NOS2: variants seen among roughly 807,000 people sequenced by gnomAD.
NOS2 encodes the protein nitric oxide synthase, inducible.
NOS2 carries 96 observed loss-of-function variants against 136.0 expected under a neutral mutation model. The observed-to-expected ratio is 0.71, with a 90% CI of 0.60 to 0.84. The LOEUF (loss-of-function observed/expected upper bound fraction) is 0.84, where lower values mean the gene tolerates loss of function less well. Ranked by LOEUF, NOS2 falls within the 40% of genes least tolerant of loss-of-function variation. NOS2 has a pLI of 0.00. For missense variants in NOS2, 1,237 were observed against 1,496.9 expected (o/e 0.83, Z 2.87); for synonymous variants, 539 against 587.5 (o/e 0.92, Z 1.20).
At position 27,760,019 on chromosome 17, in the gene NOS2, G is replaced by A; in HGVS notation, c.3159+11C>T. On this transcript the variant is annotated intron_variant, in intron 25 of 26. Transcript: ENST00000313735. Reference sequence around the variant, plus strand: ...TGTGTAATGCTTCACCTGCTTTGAGGCTGCATTTACCTTGGGCTTGCCAGG... The same window carrying A: ...TGTGTAATGCTTCACCTGCTTTGAGACTGCATTTACCTTGGGCTTGCCAGG... 1 of 1,509,564 alleles carries A rather than the reference G, an allele frequency of 6.6e-7. No homozygotes were observed. The highest frequency in any genetic ancestry group is 1.3e-5 in the South Asian group (1 of 75,580). The allele number at this position is 1,509,564 out of a possible 1,614,324, so 93.5% of individuals were successfully genotyped here. A position where few individuals can be genotyped will look rare whatever the true frequency, so the allele number is the denominator to read the frequency against.
intron 9 of NOS2, 64 bp downstream of exon 9, chr17:27,780,703 C>T (rs1908815034): frequency 1.9e-6 from 3 of 1,611,280 alleles, no homozygotes; most frequent in Non-Finnish European, 1.7e-6. Context: ...TGGAGCCGCA[C>T]TTAGGAAAGG....
chr17:27,760,279 T>G, intron 24 of NOS2, 101 bp from the exon 25 acceptor site: 1 of 1,229,134 alleles, frequency 8.1e-7, no homozygotes, highest in Non-Finnish European at 1.1e-6. Flanking sequence ...AGCTATTTAA[T>G]AGCATTATCC....
intron 11 of NOS2, among the ~76,000 whole-genome samples, chr17:27,776,789 G>A (rs1445438763): frequency 1.3e-5 from 2 of 151,936 alleles, no homozygotes; most frequent in Non-Finnish European, 1.5e-5. Flanking sequence ...AGGCAGTGCA[G>A]CTAAACATTT....
intron 6 of NOS2, 71 bp from the exon 7 acceptor site, chr17:27,782,177 C>A: frequency 7.4e-7 from 1 of 1,352,508 alleles, no homozygotes; most frequent in South Asian, 1.2e-5. Flanking sequence ...GATCAGAAGT[C>A]ACTGGGAATC....
At position 27,778,994 on chromosome 17, in the gene NOS2, A is replaced by G; in HGVS notation, c.1067T>C (p.Leu356Pro). The G allele has an allele frequency of 1.9e-6, 3 of 1,612,232 alleles. No homozygotes were observed. The highest frequency in any genetic ancestry group is 1.7e-6 in the Non-Finnish European group (2 of 1,178,702). The stretch of plus-strand genomic sequence containing the variant: ...GAACTCCAGGCCGCCCACCTCAAGC[A>G]GCATGTTGGCCACTGCAGGCAGGGC... ...WYALPAVANM[L>P]LEVGGLEFPG... The change falls in exon 10 of 27, where the codon CTG (leucine) becomes CCG (proline). Residue 356 changes from leucine (L) to proline (P), a missense_variant. Leu to Pro is a moderately conservative substitution (Grantham distance 98, BLOSUM62 -3). Around this residue, in one of 3 missense-constraint regions of NOS2, gnomAD observed 440 missense variants for 545.4 expected, o/e 0.81. Coordinates refer to ENST00000313735, the MANE Select transcript of NOS2 (RefSeq NM_000625.4).
intron 22 of NOS2, among the ~76,000 whole-genome samples, chr17:27,762,168 C>T (rs1436503365): frequency 6.6e-6 from 1 of 151,994 alleles, no homozygotes; most frequent in South Asian, 2.1e-4. Flanking sequence ...CCTCAGTGAC[C>T]CTGACCTTTC....
Position 27,774,280 on chromosome 17 carries a change from G to A in NOS2, c.1453C>T (p.Leu485=), listed in dbSNP as rs763906875. The change falls in exon 12 of 27, where the codon CTG becomes TTG. Residue 485 remains leucine (L), a synonymous_variant. Transcript: ENST00000313735. ...VFHQEMLNYV[L]SPFYYYQVEA... ...ACCTGATAGTAGTAGAAAGGGGACA[G>A]GACGTAGTTCAGCATCTCCTGGTGA... 1.0e-5 allele frequency: 16 copies of A among 1,530,856 alleles called. No homozygotes were observed. In the South Asian group the frequency reaches 2.0e-4, roughly 19 times the overall value. The allele number at this position is 1,530,856 out of a possible 1,614,324, so 94.8% of individuals were successfully genotyped here. A position where few individuals can be genotyped will look rare whatever the true frequency, so the allele number is the denominator to read the frequency against.
At chr17:27,767,002 A>G (rs1360104661) in intron 18 of NOS2, among the ~76,000 whole-genome samples, 3 of 147,734 alleles carry the variant, frequency 2.0e-5, no homozygotes, top group East Asian at 2.0e-4. Flanking sequence ...CTCCGTCTCA[A>G]AAAAAAAAAA....
intron 12 of NOS2, among the ~76,000 whole-genome samples, chr17:27,773,634 G>A (rs750820409): frequency 6.6e-6 from 1 of 152,164 alleles, no homozygotes; most frequent in Non-Finnish European, 1.5e-5. Flanking sequence ...TCCAGGACAT[G>A]CCGTCACCCT....
intron 12 of NOS2, among the ~76,000 whole-genome samples, 173 bp from the exon 13 acceptor site, chr17:27,773,416 C>A (rs926959507): frequency 6.6e-6 from 1 of 152,244 alleles, no homozygotes; most frequent in Non-Finnish European, 1.5e-5. Context: ...GGCTGCCTCT[C>A]CCCCAGAGTT....
At position 27,798,853 on chromosome 17, in the gene NOS2, A is replaced by T; in HGVS notation, c.-44T>A. ...CAGGTCACTTATGTCACTTATCTGG[A>T]TTTGAGCTCAGATGTTCTTCACTGT... On this transcript the variant is annotated 5_prime_UTR_variant, in exon 2 of 27. Coordinates refer to ENST00000313735, the MANE Select transcript of NOS2 (RefSeq NM_000625.4). 1 of 1,210,910 alleles carries T rather than the reference A, an allele frequency of 8.3e-7. No individual in the cohort carries two copies. The highest frequency in any genetic ancestry group is 1.2e-6 in the Non-Finnish European group (1 of 812,598). 75.0% of individuals were successfully genotyped at this position (1,210,910 alleles called of 1,614,324 possible). A position where few individuals can be genotyped will look rare whatever the true frequency, so the allele number is the denominator to read the frequency against.
rs1943173906 is a variant in NOS2, at chr17:27,772,529, G to T, written c.1560-77C>A. On this transcript the variant is annotated intron_variant, in intron 13 of 26. Transcript: ENST00000313735. ...AAGAAAATGGGGGACCAGGGGAATG[G>T]GAGGGGACAGCGTTTAATGTGGGGC... is the stretch of plus-strand genomic sequence containing the variant. 5 of 1,548,692 alleles carry T rather than the reference G, an allele frequency of 3.2e-6. No homozygotes were observed. In the South Asian group the frequency reaches 5.7e-5, roughly 18 times the overall value.
Position 27,760,701 on chromosome 17 carries a change from T to C in NOS2, c.2932A>G (p.Ile978Val), listed in dbSNP as rs534090248. The C allele has an allele frequency of 6.4e-6, 10 of 1,550,704 alleles. No homozygotes were observed. In the East Asian group the frequency reaches 2.0e-4, roughly 30 times the overall value. ...ATGCCTGTGCCAGGCCCGATGAGGA[T>C]GCAAGGATGGGAGGGATCCTCGGGG... is the stretch of plus-strand genomic sequence containing the variant. ...HLPEDPSHPCILIGPGTGIAP... is the reference protein window; with the variant it reads ...HLPEDPSHPCVLIGPGTGIAP... The change falls in exon 24 of 27, where the codon ATC (isoleucine) becomes GTC (valine). Residue 978 changes from isoleucine to valine, a missense_variant. Ile to Val is a conservative substitution (Grantham distance 29, BLOSUM62 3). Transcript: ENST00000313735.
At chr17:27,798,433 C>T (rs1451773857) in intron 2 of NOS2, among the ~76,000 whole-genome samples, 3 of 151,984 alleles carry the variant, frequency 2.0e-5, no homozygotes, top group Non-Finnish European at 2.9e-5. Flanking sequence ...GGCCAAGCTC[C>T]TTCCCATATT....
At chr17:27,774,906 C>G (rs1007438864) in intron 11 of NOS2, among the ~76,000 whole-genome samples, 1 of 152,230 alleles carries the variant, frequency 6.6e-6, no homozygotes, top group South Asian at 2.1e-4. Context: ...AGCCAGACCC[C>G]TCCGTGGGGA....
chr17:27,777,916 C>G (rs1369532062), intron 11 of NOS2, among the ~76,000 whole-genome samples: 2 of 151,936 alleles, frequency 1.3e-5, no homozygotes, highest in Non-Finnish European at 2.9e-5. Context: ...GTGGTATGCA[C>G]CTGTAGTCCC....
intron 14 of NOS2, among the ~76,000 whole-genome samples, chr17:27,771,827 C>G (rs746334797): frequency 2.6e-5 from 4 of 152,276 alleles, no homozygotes; most frequent in Non-Finnish European, 2.9e-5. Flanking sequence ...GCGCCACCCA[C>G]TGTCAGATCC....
At chr17:27,790,522 C>A (rs372076783) in intron 2 of NOS2, among the ~76,000 whole-genome samples, 1 of 152,206 alleles carries the variant, frequency 6.6e-6, no homozygotes, top group Admixed American at 6.5e-5. Context: ...AGTCTAATAA[C>A]CTTCCATGGG....
chr17:27,767,138 C>T (rs924678199), intron 18 of NOS2, among the ~76,000 whole-genome samples: 38 of 152,118 alleles, frequency 2.5e-4, no homozygotes, highest in African/African-American at 8.9e-4. Context: ...TTGGGATCCA[C>T]AGGAGAGCAT....
Sources: gnomAD v4.1 joint callset for allele counts (sites outside exome capture counted in the v4.1 genomes callset) on GRCh38, gnomAD v4.1.1 for gene constraint, gnomAD v4.1.1 regional missense constraint, MANE v1.5 for transcripts, NCBI Gene and HGNC (gene_info 2026-07-23, HGNC 2026-07-21) for gene names.